The following UMAD1 variants were observed in gnomAD, a reference collection of about 807,000 sequenced individuals.
The protein encoded by UMAD1 is UBAP1-MVB12-associated (UMA) domain containing 1.
In UMAD1, 8 loss-of-function variants were observed where a neutral mutation model predicts 6.1. The ratio of observed to expected loss-of-function variants is 1.30; its 90% CI spans 0.76 to 2.35. The LOEUF (loss-of-function observed/expected upper bound fraction) is 2.35. Ranked by LOEUF, UMAD1 falls within the 30% of genes most tolerant of loss-of-function variation. The pLI is 0.00. For synonymous variants in UMAD1, 56 were observed against 31.4 expected (o/e 1.78, Z -2.61); for missense variants, 130 against 78.4 (o/e 1.66, Z -2.49).
rs77623976 is a variant in UMAD1 at position 7,789,855 on chromosome 7, T to C, written c.83-11815T>C. On this transcript the variant is annotated intron_variant, in intron 2 of 3. Transcript: ENST00000682710. ...TTTTTTTAATTCATTCATCTGTCAG[T>C]GAAGACTAGGGTTGCTTCCACCATT... Among the ~76,000 whole-genome samples, 766 of 152,332 alleles carry C rather than the reference T, an allele frequency of 5.0e-3. 6 individuals carry two copies. The highest frequency in any genetic ancestry group is 0.018 in the African/African-American group (735 of 41,570).
chr7:7,743,606 C>G (rs1781515050), intron 2 of UMAD1, among the ~76,000 whole-genome samples: 1 of 151,772 alleles, frequency 6.6e-6, no homozygotes, highest in African/African-American at 2.4e-5. Flanking sequence ...GATTTTCCTA[C>G]TCTGGACAAA....
chr7:7,743,754 A>G (rs896250774), intron 2 of UMAD1, among the ~76,000 whole-genome samples: 5 of 151,676 alleles, frequency 3.3e-5, no homozygotes, highest in Admixed American at 2.6e-4. Flanking sequence ...TTTTAAAAAA[A>G]TATTGTTTTA....
At chr7:7,643,735 GAAAA>G (rs869238725) in intron 1 of UMAD1, among the ~76,000 whole-genome samples, 1 of 5,770 alleles carries the variant, frequency 1.7e-4, no homozygotes, top group Admixed American at 1.8e-3. Context: ...ACAAACAAAC[GAAAA>G]AAAAAGGATC....
At position 7,777,584 on chromosome 7, in the gene UMAD1, T is replaced by TTTGTAA. The variant is rs1436769641; in HGVS notation, c.83-24086_83-24085insTTGTAA. ...TTTCATACATGAGCAAATATATATA[T>TTTGTAA]ATATATATATATATATATGTAATTG... is the stretch of plus-strand genomic sequence containing the variant. On this transcript the variant is annotated intron_variant, in intron 2 of 3. Coordinates refer to ENST00000682710, the MANE Select transcript of UMAD1 (RefSeq NM_001302348.2). 9.2e-4 allele frequency among the ~76,000 whole-genome samples: 132 copies of TTTGTAA among 143,892 alleles called. 3 individuals carry two copies. The highest frequency in any genetic ancestry group is 3.2e-3 in the African/African-American group (124 of 38,686). 94.4% of individuals were successfully genotyped at this position (143,892 alleles called of 152,430 possible).
intron 2 of UMAD1, among the ~76,000 whole-genome samples, chr7:7,697,606 C>T (rs1224823736): frequency 6.6e-6 from 1 of 152,132 alleles, no homozygotes; most frequent in East Asian, 1.9e-4. Flanking sequence ...GGGGTGGGCA[C>T]CTAACTTTAA....
intron 2 of UMAD1, among the ~76,000 whole-genome samples, chr7:7,695,885 T>C (rs1017286502): frequency 1.4e-4 from 21 of 152,138 alleles, no homozygotes; most frequent in African/African-American, 4.6e-4. Context: ...AATGGTTGGA[T>C]TTAGTATCCA....
At chr7:7,752,972 T>G (rs1377255410) in intron 2 of UMAD1, among the ~76,000 whole-genome samples, 3 of 152,198 alleles carry the variant, frequency 2.0e-5, no homozygotes, top group Non-Finnish European at 4.4e-5. Context: ...TTAATGGTTT[T>G]AAACATGAAA....
In UMAD1 at chr7:7,788,854, A is replaced by G. The variant is rs143727717; in HGVS notation, c.83-12816A>G. Among the ~76,000 whole-genome samples the G allele has an allele frequency of 2.3e-4, 35 of 152,360 alleles. No individual in the cohort carries two copies. The East Asian group carries it at 6.7e-3, about 29-fold the overall frequency. On this transcript the variant is annotated intron_variant, in intron 2 of 3. Coordinates refer to ENST00000682710, the MANE Select transcript of UMAD1 (RefSeq NM_001302348.2). ...AGATTGAAAAATGTCCCATCTTCAGAGGAAATCTAGGTATTTTGCTCTAGA... is the reference window on the plus strand; with the variant it reads ...AGATTGAAAAATGTCCCATCTTCAGGGGAAATCTAGGTATTTTGCTCTAGA...
chr7:7,875,438 A>C (rs768756050), intron 3 of UMAD1, among the ~76,000 whole-genome samples: 1 of 152,352 alleles, frequency 6.6e-6, no homozygotes, highest in Non-Finnish European at 1.5e-5. Flanking sequence ...TAGATGGACC[A>C]TTAACCAGAC....
chr7:7,824,601 C>A (rs775118121), intron 3 of UMAD1, among the ~76,000 whole-genome samples: 2 of 152,144 alleles, frequency 1.3e-5, no homozygotes, highest in African/African-American at 2.4e-5. Context: ...TGTGGTACCA[C>A]ATGCTTCACA....
intron 2 of UMAD1, among the ~76,000 whole-genome samples, chr7:7,756,842 G>C (rs1298888871): frequency 6.6e-6 from 1 of 152,178 alleles, no homozygotes; most frequent in African/African-American, 2.4e-5. Flanking sequence ...ATTCCTTAAA[G>C]TCTGGGTGAT....
chr7:7,678,340 A>G (rs902531127), intron 2 of UMAD1, among the ~76,000 whole-genome samples: 1 of 150,316 alleles, frequency 6.7e-6, no homozygotes. Context: ...ATGATCAACA[A>G]TATTGAACGT....
chr7:7,808,585 T>C (rs1280349641), intron 3 of UMAD1, among the ~76,000 whole-genome samples: 1 of 152,014 alleles, frequency 6.6e-6, no homozygotes, highest in Non-Finnish European at 1.5e-5. Flanking sequence ...TTTAATCTAG[T>C]TTTAGCAGAT....
At chr7:7,786,260 C>T (rs1782459044) in intron 2 of UMAD1, among the ~76,000 whole-genome samples, 1 of 152,140 alleles carries the variant, frequency 6.6e-6, no homozygotes, top group Admixed American at 6.5e-5. Context: ...TTTCCATGAC[C>T]TTCAATATCT....
intron 3 of UMAD1, among the ~76,000 whole-genome samples, chr7:7,843,520 C>G (rs570660189): frequency 4.1e-4 from 62 of 152,260 alleles, no homozygotes; most frequent in African/African-American, 1.5e-3. Flanking sequence ...TATTCGTATT[C>G]TAACACGCAC....
chr7:7,768,816 ACTTTCT>A (rs1414262363), intron 2 of UMAD1, among the ~76,000 whole-genome samples: 1 of 152,198 alleles, frequency 6.6e-6, no homozygotes, highest in Non-Finnish European at 1.5e-5. Context: ...ATAATTTTGT[ACTTTCT>A]CTTCTTCCCC....
intron 3 of UMAD1, among the ~76,000 whole-genome samples, chr7:7,847,073 AAAAGAC>A (rs1783799932): frequency 1.0e-5 from 1 of 99,544 alleles, no homozygotes; most frequent in South Asian, 3.5e-4. Context: ...AAAAAAAAAA[AAAAGAC>A]AGCAATGCAA....
intron 2 of UMAD1, among the ~76,000 whole-genome samples, chr7:7,735,502 C>T (rs748935597): frequency 6.6e-6 from 1 of 151,938 alleles, no homozygotes; most frequent in Admixed American, 6.6e-5. Context: ...CTCCGCCTCC[C>T]GGGTTCAAGT....
At chr7:7,749,795 A>T (rs1781643717) in intron 2 of UMAD1, among the ~76,000 whole-genome samples, 1 of 152,196 alleles carries the variant, frequency 6.6e-6, no homozygotes, top group African/African-American at 2.4e-5. Flanking sequence ...TTACACAGAA[A>T]ACGTCTAAGA....
Sources: allele counts gnomAD v4.1 joint callset (sites outside exome capture counted in the v4.1 genomes callset), GRCh38; gene constraint gnomAD v4.1.1; transcripts MANE v1.5; gene names NCBI Gene and HGNC (gene_info 2026-07-23, HGNC 2026-07-21).